NRXN1: variants seen among roughly 807,000 people sequenced by gnomAD.
NRXN1 encodes the protein neurexin 1.
A neutral mutation model predicts 150.9 loss-of-function variants in NRXN1; 39 were observed. The observed-to-expected ratio is 0.26, with a 90% CI of 0.20 to 0.34. The LOEUF is 0.34. Ranked by LOEUF, NRXN1 falls within the 10% of genes least tolerant of loss-of-function variation. The pLI, the probability that NRXN1 is intolerant of heterozygous loss-of-function variation, is 1.00. For missense variants in NRXN1, 1,815 were observed against 1,949.9 expected (o/e 0.93, Z 1.30); for synonymous variants, 924 against 757.0 (o/e 1.22, Z -3.62).
chr2:50,341,618 A>C (rs1437308126), intron 17 of NRXN1, among the ~76,000 whole-genome samples: 1 of 152,244 alleles, frequency 6.6e-6, no homozygotes, highest in East Asian at 1.9e-4. Context: ...ACCAGTCTGC[A>C]TTAATTATTC....
chr2:51,026,182 CCA>C lies in NRXN1; in HGVS notation c.772+1318_772+1319del, dbSNP rs970638408. Among the ~76,000 whole-genome samples the C allele has an allele frequency of 4.3e-4, 65 of 152,182 alleles. 1 individual carries two copies. The highest frequency in any genetic ancestry group is 1.5e-4 in the Non-Finnish European group (10 of 68,020). On this transcript the variant is annotated intron_variant, in intron 2 of 22. Transcript: ENST00000401669. ...AAAGACATTATACAATAAAACGCAG[CCA>C]CACAGAGCTTTTGTCCCTATAGCTT...
At chr2:50,092,198 A>C (rs1317105625) in intron 18 of NRXN1, among the ~76,000 whole-genome samples, 1 of 152,218 alleles carries the variant, frequency 6.6e-6, no homozygotes, top group African/African-American at 2.4e-5. Flanking sequence ...CCGTTATCCA[A>C]AATGAACGCC....
chr2:50,288,121 AT>A (rs1316529605), intron 17 of NRXN1, among the ~76,000 whole-genome samples: 2 of 152,184 alleles, frequency 1.3e-5, no homozygotes, highest in African/African-American at 2.4e-5. Context: ...ACAGCATGTA[AT>A]TATGTTGTAT....
At chr2:50,812,846 C>T (rs1420927793) in intron 5 of NRXN1, among the ~76,000 whole-genome samples, 1 of 150,646 alleles carries the variant, frequency 6.6e-6, no homozygotes, top group Non-Finnish European at 1.5e-5. Context: ...AGAGAATACA[C>T]TGATCTAGTG....
chr2:50,731,294 GTTACTGAT>G (rs1698070671), intron 5 of NRXN1, among the ~76,000 whole-genome samples: 1 of 152,150 alleles, frequency 6.6e-6, no homozygotes, highest in African/African-American at 2.4e-5. Flanking sequence ...AATAGCTAGA[GTTACTGAT>G]TTACTATAAA....
intron 17 of NRXN1, among the ~76,000 whole-genome samples, chr2:50,458,582 ATT>A (rs56386052): frequency 1.6e-4 from 23 of 146,708 alleles, no homozygotes; most frequent in Admixed American, 4.7e-4. Context: ...TGTATTCATA[ATT>A]TTTTTTTTTT....
At chr2:50,006,996 A>T (rs974651931) in intron 21 of NRXN1, among the ~76,000 whole-genome samples, 4 of 152,126 alleles carry the variant, frequency 2.6e-5, no homozygotes, top group African/African-American at 9.7e-5. Context: ...CACTAGGCAG[A>T]TGGTGAGATT....
intron 2 of NRXN1, among the ~76,000 whole-genome samples, chr2:50,999,580 A>G (rs999591011): frequency 2.0e-5 from 3 of 151,780 alleles, no homozygotes; most frequent in Admixed American, 6.6e-5. Context: ...TCTCTTTTGT[A>G]CTCTGTCCCT....
intron 18 of NRXN1, among the ~76,000 whole-genome samples, chr2:50,099,526 A>T (rs1334123184): frequency 2.6e-5 from 4 of 152,144 alleles, no homozygotes; most frequent in African/African-American, 9.7e-5. Context: ...GAGATAATGC[A>T]TACAAAATTC....
chr2:50,095,481 T>C (rs1024139764), intron 18 of NRXN1, among the ~76,000 whole-genome samples: 1 of 152,152 alleles, frequency 6.6e-6, no homozygotes, highest in Admixed American at 6.5e-5. Context: ...TGAAACTTAT[T>C]ATGGAAGTAG....
chr2:50,864,789 T>C (rs182487964), intron 5 of NRXN1, among the ~76,000 whole-genome samples: 2 of 152,098 alleles, frequency 1.3e-5, no homozygotes, highest in African/African-American at 4.8e-5. Context: ...AACTTGGTTT[T>C]TGATGAGTGC....
At chr2:50,948,076 C>A (rs538799954) in intron 2 of NRXN1, among the ~76,000 whole-genome samples, 1 of 152,032 alleles carries the variant, frequency 6.6e-6, no homozygotes, top group East Asian at 1.9e-4. Flanking sequence ...TCAGAACACA[C>A]TTCCCAGGAC....
intron 21 of NRXN1, among the ~76,000 whole-genome samples, chr2:50,048,239 T>A (rs17039711): frequency 0.022 from 3,350 of 152,192 alleles, 122 homozygotes; most frequent in African/African-American, 0.076. Flanking sequence ...CATCAAAGTG[T>A]TTTTCTTTGA....
chr2:50,535,013 G>A (rs1267007288), intron 10 of NRXN1, among the ~76,000 whole-genome samples: 1 of 152,168 alleles, frequency 6.6e-6, no homozygotes, highest in Non-Finnish European at 1.5e-5. Flanking sequence ...GCCCCCGAGT[G>A]TCATGTTAAA....
intron 10 of NRXN1, among the ~76,000 whole-genome samples, chr2:50,535,444 C>G (rs556747748): frequency 1.6e-4 from 24 of 152,310 alleles, no homozygotes; most frequent in African/African-American, 4.8e-4. Context: ...TTGTGATCAA[C>G]GATGAAAATC....
intron 5 of NRXN1, among the ~76,000 whole-genome samples, chr2:50,763,535 C>T (rs969469420): frequency 1.3e-5 from 2 of 151,830 alleles, no homozygotes; most frequent in Admixed American, 6.6e-5. Flanking sequence ...TTATGCTAGG[C>T]ACTTAATAAA....
At chr2:50,386,781 A>G (rs1046983099) in intron 17 of NRXN1, among the ~76,000 whole-genome samples, 4 of 152,318 alleles carry the variant, frequency 2.6e-5, no homozygotes, top group Admixed American at 2.6e-4. Context: ...TGGGCTACGC[A>G]GGAGAAATAC....
chr2:49,929,229 C>T (rs538914653), intron 22 of NRXN1, among the ~76,000 whole-genome samples: 1 of 152,286 alleles, frequency 6.6e-6, no homozygotes, highest in African/African-American at 2.4e-5. Flanking sequence ...TATGGTACCA[C>T]ATCGAACAGA....
intron 5 of NRXN1, among the ~76,000 whole-genome samples, chr2:50,781,468 G>A (rs1704338428): frequency 6.6e-6 from 1 of 152,120 alleles, no homozygotes; most frequent in East Asian, 1.9e-4. Flanking sequence ...CCCTGAACAT[G>A]TAGAAGAGAA....
Sources: gnomAD v4.1 joint callset for allele counts (sites outside exome capture counted in the v4.1 genomes callset) on GRCh38, gnomAD v4.1.1 for gene constraint, MANE v1.5 for transcripts, NCBI Gene and HGNC (gene_info 2026-07-23, HGNC 2026-07-21) for gene names.